COX7B2: variants seen among roughly 807,000 people sequenced by gnomAD.
COX7B2 encodes cytochrome c oxidase subunit 7B2, mitochondrial.
For missense variants in COX7B2, 109 were observed against 95.9 expected (o/e 1.14, Z -0.57); for synonymous variants, 37 against 32.1 (o/e 1.15, Z -0.51).
intron 2 of COX7B2, among the ~76,000 whole-genome samples, chr4:46,814,083 A>G (rs1287261115): frequency 6.6e-6 from 1 of 152,214 alleles, no homozygotes; most frequent in Non-Finnish European, 1.5e-5. Flanking sequence ...CACTGTTGGT[A>G]ACCATTATGG....
intron 1 of COX7B2, among the ~76,000 whole-genome samples, chr4:46,856,602 A>G (rs1196174897): frequency 1.3e-5 from 2 of 152,250 alleles, no homozygotes; most frequent in Admixed American, 1.3e-4. Flanking sequence ...AAAACTTTGG[A>G]CAGGGGACAC....
chr4:46,741,277 C>A (rs1267024214), intron 2 of COX7B2, among the ~76,000 whole-genome samples: 3 of 152,092 alleles, frequency 2.0e-5, no homozygotes, highest in Non-Finnish European at 4.4e-5. Flanking sequence ...GTTTCCCAAT[C>A]TGGATACAAC....
At chr4:46,825,205 T>C (rs1714600694) in intron 2 of COX7B2, among the ~76,000 whole-genome samples, 2 of 151,880 alleles carry the variant, frequency 1.3e-5, no homozygotes, top group South Asian at 4.2e-4. Context: ...AAATCAATGT[T>C]CAAAAATCAT....
At chr4:46,885,890 G>A (rs973437402) in intron 1 of COX7B2, among the ~76,000 whole-genome samples, 2 of 152,106 alleles carry the variant, frequency 1.3e-5, no homozygotes, top group African/African-American at 2.4e-5. Context: ...TTACCTAAAT[G>A]AGGCTTTTCC....
chr4:46,884,928 A>G (rs1433842853), intron 1 of COX7B2, among the ~76,000 whole-genome samples: 3 of 149,528 alleles, frequency 2.0e-5, no homozygotes, highest in Non-Finnish European at 4.5e-5. Context: ...GGACTGTAAT[A>G]TTTTTGTTAA....
intron 1 of COX7B2, among the ~76,000 whole-genome samples, chr4:46,891,941 T>G (rs1719454821): frequency 6.6e-6 from 1 of 152,212 alleles, no homozygotes; most frequent in African/African-American, 2.4e-5. Context: ...ATATCTTATG[T>G]ATTCATTTAT....
intron 2 of COX7B2, among the ~76,000 whole-genome samples, chr4:46,816,680 G>T (rs140003768): frequency 6.6e-6 from 1 of 152,234 alleles, no homozygotes; most frequent in African/African-American, 2.4e-5. Flanking sequence ...TCCACAGGCA[G>T]AAAAACAATC....
chr4:46,776,395 T>TGA (rs1297207756), intron 2 of COX7B2, among the ~76,000 whole-genome samples: 7 of 65,650 alleles, frequency 1.1e-4, no homozygotes, highest in Admixed American at 1.0e-3. Flanking sequence ...AGTTTCAGAG[T>TGA]GTGTGTGTGT....
intron 2 of COX7B2, among the ~76,000 whole-genome samples, chr4:46,774,649 T>G (rs902679564): frequency 6.6e-6 from 1 of 151,986 alleles, no homozygotes; most frequent in South Asian, 2.1e-4. Flanking sequence ...ATAAATAAAA[T>G]TATTTATTTT....
intron 2 of COX7B2, among the ~76,000 whole-genome samples, chr4:46,828,096 C>A (rs1032666607): frequency 6.6e-6 from 1 of 151,880 alleles, no homozygotes; most frequent in African/African-American, 2.4e-5. Flanking sequence ...TGAATTATAC[C>A]TTAATAAATT....
chr4:46,794,987 G>A (rs1718246557), intron 2 of COX7B2, among the ~76,000 whole-genome samples: 1 of 151,162 alleles, frequency 6.6e-6, no homozygotes, highest in South Asian at 2.1e-4. Context: ...CTAGAATAAA[G>A]GAGAGTCTTC....
intron 1 of COX7B2, among the ~76,000 whole-genome samples, chr4:46,845,987 C>G (rs1411782282): frequency 6.6e-6 from 1 of 152,016 alleles, no homozygotes; most frequent in Non-Finnish European, 1.5e-5. Context: ...ACTTTACCCC[C>G]ATTAGGGCTG....
chr4:46,773,762 T>C (rs1431928421), intron 2 of COX7B2, among the ~76,000 whole-genome samples: 2 of 152,168 alleles, frequency 1.3e-5, no homozygotes, highest in Non-Finnish European at 2.9e-5. Context: ...AATATGTTCA[T>C]TTTTAATAGA....
intron 2 of COX7B2, among the ~76,000 whole-genome samples, chr4:46,758,634 T>G (rs191900261): frequency 3.9e-5 from 6 of 152,296 alleles, no homozygotes; most frequent in African/African-American, 1.4e-4. Flanking sequence ...GCCAGAATGT[T>G]TTTGATTAAG....
chr4:46,743,116 CAG>C (rs1159982038), intron 2 of COX7B2, among the ~76,000 whole-genome samples: 2 of 152,124 alleles, frequency 1.3e-5, no homozygotes, highest in Non-Finnish European at 2.9e-5. Context: ...CACTGTGAGT[CAG>C]TGTCCCAACT....
At chr4:46,771,055 A>G (rs1716847981) in intron 2 of COX7B2, among the ~76,000 whole-genome samples, 1 of 152,208 alleles carries the variant, frequency 6.6e-6, no homozygotes, top group Non-Finnish European at 1.5e-5. Context: ...AAATATTTCC[A>G]AACCATACAT....
At chr4:46,856,014 C>T (rs1450619642) in intron 1 of COX7B2, among the ~76,000 whole-genome samples, 3 of 152,020 alleles carry the variant, frequency 2.0e-5, no homozygotes, top group Non-Finnish European at 2.9e-5. Context: ...GAGGCCAAGG[C>T]GGGTTTATCA....
rs537107414 is a variant in COX7B2, at chr4:46,787,046, A to G, written c.-49-51805T>C. Among the ~76,000 whole-genome samples, 28 of 152,350 alleles carry G rather than the reference A, an allele frequency of 1.8e-4. 1 individual carries two copies. The highest frequency in any genetic ancestry group is 1.2e-3 in the Admixed American group (19 of 15,304). On this transcript the variant is annotated intron_variant, in intron 2 of 2. Transcript: ENST00000355591. ...TTTCTTCCATCTTCTGAGCACTGCA[A>G]ATTCTCCTTGTGTGATCTTAGGAAG...
At chr4:46,803,563 T>C (rs1013097893) in intron 2 of COX7B2, among the ~76,000 whole-genome samples, 53 of 152,262 alleles carry the variant, frequency 3.5e-4, no homozygotes, top group African/African-American at 1.3e-3. Flanking sequence ...TATGTAATTA[T>C]ATGCTTACAC....
Sources: gnomAD v4.1 joint callset for allele counts (sites outside exome capture counted in the v4.1 genomes callset) on GRCh38, gnomAD v4.1.1 for gene constraint, MANE v1.5 for transcripts, NCBI Gene and HGNC (gene_info 2026-07-23, HGNC 2026-07-21) for gene names.